XPR1: variants seen among roughly 807,000 people sequenced by gnomAD.
XPR1 encodes solute carrier family 53 member 1.
A neutral mutation model predicts 87.5 loss-of-function variants in XPR1; 28 were observed. The observed-to-expected ratio is 0.32, with a 90% CI of 0.24 to 0.44. The LOEUF (loss-of-function observed/expected upper bound fraction) is 0.44. XPR1 is among the 20% of genes least tolerant of loss of function. XPR1 has a pLI of 1.00. For synonymous variants in XPR1, 300 were observed against 306.1 expected (o/e 0.98, Z 0.21); for missense variants, 559 against 862.3 (o/e 0.65, Z 4.41).
At chr1:180,659,589 AC>A (rs1309031563) in intron 1 of XPR1, among the ~76,000 whole-genome samples, 1 of 8,616 alleles carries the variant, frequency 1.2e-4, no homozygotes, top group Non-Finnish European at 2.3e-4. Context: ...CAGCCACCGC[AC>A]CCCCACCCCC....
chr1:180,866,919 G>A (rs565670975), intron 12 of XPR1, among the ~76,000 whole-genome samples: 1,927 of 116,846 alleles, frequency 0.016, 31 homozygotes, highest in Non-Finnish European at 0.027. Context: ...CCACTAACGT[G>A]TCATCTAGCA....
At position 180,801,371 on chromosome 1, in the gene XPR1, G is replaced by A. The variant is rs543954104; in HGVS notation, c.224-2017G>A. On this transcript the variant is annotated intron_variant, in intron 3 of 14. Coordinates refer to ENST00000367590, the MANE Select transcript of XPR1 (RefSeq NM_004736.4). ...AGAGGCGTAAGAGTGGTCCCTAGGA[G>A]CTAAAAGCAGGTCCCAGATGGGTTG... Among the ~76,000 whole-genome samples the A allele has an allele frequency of 2.0e-4, 31 of 152,320 alleles. No homozygotes were observed. In the South Asian group the frequency reaches 6.2e-3, roughly 31 times the overall value.
intron 2 of XPR1, among the ~76,000 whole-genome samples, chr1:180,702,966 T>G (rs1192539931): frequency 6.6e-6 from 1 of 152,158 alleles, no homozygotes; most frequent in East Asian, 1.9e-4. Context: ...TAGGCATAAC[T>G]GTAGTGTTGA....
At chr1:180,688,049 A>AT (rs61214643) in intron 2 of XPR1, among the ~76,000 whole-genome samples, 11,948 of 130,542 alleles carry the variant, frequency 0.092, 1,060 homozygotes, top group African/African-American at 0.22. Flanking sequence ...TATGTTATTA[A>AT]TTTTTTTTTT....
intron 2 of XPR1, among the ~76,000 whole-genome samples, chr1:180,782,789 A>G (rs1266888072): frequency 6.6e-6 from 1 of 151,970 alleles, no homozygotes; most frequent in Non-Finnish European, 1.5e-5. Flanking sequence ...ACTTTTATAC[A>G]GTTAATATGT....
Position 180,728,303 on chromosome 1 carries a change from G to A in XPR1, c.121+45892G>A, listed in dbSNP as rs938762261. 5.5e-5 allele frequency among the ~76,000 whole-genome samples: 8 copies of A among 145,214 alleles called. 2 individuals carry two copies. Among genetic ancestry groups the A allele is most frequent in the Admixed American group, 2.0e-4 (3 of 14,668 alleles). ...AAAAGGAGTTGTTTATAACTGGGGG[G>A]GGGGGTAGTAATGAAAACTATGTTG... On this transcript the variant is annotated intron_variant, in intron 2 of 14. Transcript: ENST00000367590.
intron 2 of XPR1, among the ~76,000 whole-genome samples, chr1:180,701,764 A>C (rs1287721606): frequency 7.1e-6 from 1 of 141,124 alleles, no homozygotes; most frequent in African/African-American, 2.9e-5. Flanking sequence ...CTCTTTTTCT[A>C]TCGATTGGAA....
intron 4 of XPR1, among the ~76,000 whole-genome samples, chr1:180,803,946 A>G (rs576449024): frequency 3.3e-5 from 5 of 151,540 alleles, no homozygotes; most frequent in African/African-American, 1.2e-4. Context: ...CTCTCCAGCC[A>G]CTGTTGGCTA....
chr1:180,733,456 G>A (rs577464959), intron 2 of XPR1, among the ~76,000 whole-genome samples: 29 of 152,184 alleles, frequency 1.9e-4, no homozygotes, highest in Non-Finnish European at 8.8e-5. Flanking sequence ...TCAGTATTGT[G>A]CTATATTTGG....
intron 1 of XPR1, among the ~76,000 whole-genome samples, chr1:180,666,477 T>G (rs1655966839): frequency 6.6e-6 from 1 of 152,228 alleles, no homozygotes; most frequent in Non-Finnish European, 1.5e-5. Context: ...ATTTTCTTCT[T>G]TATATTGTAC....
At position 180,771,714 on chromosome 1, in the gene XPR1, C is replaced by T. The variant is rs376301656; in HGVS notation, c.122-16039C>T. 3.3e-5 allele frequency among the ~76,000 whole-genome samples: 5 copies of T among 152,292 alleles called. No homozygotes were observed. The East Asian group carries it at 5.8e-4, about 18-fold the overall frequency. ...AGTTTATTTCTGCCTGATGTTTTCT[C>T]ATTTTTGGATTCAGGTTGTGCCTTT... On this transcript the variant is annotated intron_variant, in intron 2 of 14. Coordinates refer to ENST00000367590, the MANE Select transcript of XPR1 (RefSeq NM_004736.4).
At chr1:180,781,368 A>G (rs549825752) in intron 2 of XPR1, among the ~76,000 whole-genome samples, 147 of 152,166 alleles carry the variant, frequency 9.7e-4, no homozygotes, top group African/African-American at 3.2e-3. Flanking sequence ...AATTGAGAAT[A>G]GTAATGAAAA....
intron 2 of XPR1, among the ~76,000 whole-genome samples, chr1:180,759,088 A>AC (rs1461493331): frequency 6.6e-6 from 1 of 152,204 alleles, no homozygotes; most frequent in Non-Finnish European, 1.5e-5. Flanking sequence ...GACACAACAT[A>AC]CCAGAATCTC....
intron 2 of XPR1, among the ~76,000 whole-genome samples, chr1:180,686,751 A>C (rs140954247): frequency 9.2e-5 from 14 of 152,194 alleles, no homozygotes; most frequent in African/African-American, 2.9e-4. Flanking sequence ...GTGACAAGCT[A>C]TTAGAGACTT....
At chr1:180,853,787 T>C (rs531256004) in intron 11 of XPR1, among the ~76,000 whole-genome samples, 1 of 121,076 alleles carries the variant, frequency 8.3e-6, no homozygotes, top group East Asian at 2.2e-4. Flanking sequence ...AGTGCATTCA[T>C]GTGGTTTTTT....
In XPR1 at chr1:180,649,552, T is replaced by A. The variant is rs568373554; in HGVS notation, c.69+17282T>A. Among the ~76,000 whole-genome samples, 101 of 152,268 alleles carry A rather than the reference T, an allele frequency of 6.6e-4. 3 individuals carry two copies. Among genetic ancestry groups the A allele is most frequent in the Non-Finnish European group, 4.8e-4 (33 of 68,044 alleles). On this transcript the variant is annotated intron_variant, in intron 1 of 14. Coordinates refer to ENST00000367590, the MANE Select transcript of XPR1 (RefSeq NM_004736.4). ...CTCTGTGTTGTGGACAGTCTGTGAT[T>A]CATGTGTCATTGTTTAAATAATGGA... is the stretch of plus-strand genomic sequence containing the variant.
intron 2 of XPR1, among the ~76,000 whole-genome samples, chr1:180,741,440 A>G (rs564513818): frequency 2.6e-5 from 4 of 151,974 alleles, no homozygotes; most frequent in Non-Finnish European, 4.4e-5. Context: ...GGCTAGGATT[A>G]CAGGCATGAG....
chr1:180,710,675 C>T (rs989854701), intron 2 of XPR1, among the ~76,000 whole-genome samples: 3 of 152,214 alleles, frequency 2.0e-5, no homozygotes, highest in Non-Finnish European at 2.9e-5. Flanking sequence ...TCGACAAAAC[C>T]GCCATTGTCA....
chr1:180,765,258 A>AT (rs1474369810), intron 2 of XPR1, among the ~76,000 whole-genome samples: 1 of 152,132 alleles, frequency 6.6e-6, no homozygotes, highest in East Asian at 1.9e-4. Flanking sequence ...GGCTCTAGTC[A>AT]TTTTTTTATA....
Sources: allele counts gnomAD v4.1 joint callset (sites outside exome capture counted in the v4.1 genomes callset), GRCh38; gene constraint gnomAD v4.1.1; transcripts MANE v1.5; gene names NCBI Gene and HGNC (gene_info 2026-07-23, HGNC 2026-07-21).